NRXN3: variants seen among roughly 807,000 people sequenced by gnomAD.
NRXN3 encodes neurexin III.
A neutral mutation model predicts 137.6 loss-of-function variants in NRXN3; 32 were observed. The observed-to-expected ratio is 0.23, with a 90% CI of 0.18 to 0.31. The LOEUF (loss-of-function observed/expected upper bound fraction) is 0.31, where lower values mean the gene tolerates loss of function less well. Among genes scored for constraint, NRXN3 ranks in the 10% least tolerant of loss-of-function variants. The pLI is 1.00. For missense variants in NRXN3, 1,574 were observed against 2,062.5 expected (o/e 0.76, Z 4.59); for synonymous variants, 798 against 784.5 (o/e 1.02, Z -0.29).
At chr14:79,438,488 A>G (rs7140201) in intron 15 of NRXN3, among the ~76,000 whole-genome samples, 43,543 of 152,028 alleles carry the variant, frequency 0.29, 6,689 homozygotes, top group South Asian at 0.42. Flanking sequence ...TTATTAATGT[A>G]TGGATTTTCT....
chr14:78,867,199 G>T (rs2099089224), intron 10 of NRXN3, among the ~76,000 whole-genome samples: 1 of 152,120 alleles, frequency 6.6e-6, no homozygotes, highest in Non-Finnish European at 1.5e-5. Flanking sequence ...CTATCAGTAA[G>T]AAAACTGTAG....
intron 16 of NRXN3, among the ~76,000 whole-genome samples, chr14:79,637,489 C>T (rs1262222030): frequency 1.3e-5 from 2 of 151,906 alleles, no homozygotes; most frequent in African/African-American, 2.4e-5. Context: ...CTTACAGTCA[C>T]CCAGCAGTGT....
At chr14:78,633,267 A>AAAAAAAAAAAAAAAAG (rs1376443966) in intron 4 of NRXN3, among the ~76,000 whole-genome samples, 1 of 150,084 alleles carries the variant, frequency 6.7e-6, no homozygotes, top group African/African-American at 2.5e-5. Context: ...AAAAAAAAAA[A>AAAAAAAAAAAAAAAAG]AGAGACTGGT....
At chr14:78,397,092 G>A (rs957696724) in intron 4 of NRXN3, among the ~76,000 whole-genome samples, 2 of 152,168 alleles carry the variant, frequency 1.3e-5, no homozygotes, top group Admixed American at 1.3e-4. Context: ...TTCAACATAT[G>A]AATTTTAGGG....
intron 20 of NRXN3, among the ~76,000 whole-genome samples, chr14:79,827,191 G>A (rs1484575357): frequency 6.6e-6 from 1 of 152,168 alleles, no homozygotes; most frequent in African/African-American, 2.4e-5. Context: ...TGAAGGCTAT[G>A]AAGCAAAGGC....
At chr14:79,102,673 G>C (rs2051558733) in intron 15 of NRXN3, among the ~76,000 whole-genome samples, 1 of 152,164 alleles carries the variant, frequency 6.6e-6, no homozygotes, top group African/African-American at 2.4e-5. Flanking sequence ...TAAGGCAAAA[G>C]GAGTGGTGGT....
chr14:78,965,701 C>A (rs1187806236), intron 11 of NRXN3, among the ~76,000 whole-genome samples: 1 of 152,070 alleles, frequency 6.6e-6, no homozygotes. Flanking sequence ...GGCCTTTCTT[C>A]TTATAGTGTG....
intron 16 of NRXN3, among the ~76,000 whole-genome samples, chr14:79,532,972 A>G (rs2097182281): frequency 6.6e-6 from 1 of 152,194 alleles, no homozygotes; most frequent in Non-Finnish European, 1.5e-5. Context: ...CCCAAAGGTT[A>G]TGATATAAAG....
chr14:79,698,576 T>C (rs527475755), intron 19 of NRXN3, among the ~76,000 whole-genome samples: 1 of 152,168 alleles, frequency 6.6e-6, no homozygotes, highest in South Asian at 2.1e-4. Flanking sequence ...AAGTCCTTGT[T>C]TTTGTGGCAG....
intron 1 of NRXN3, among the ~76,000 whole-genome samples, chr14:78,180,770 C>T (rs1351764501): frequency 5.9e-5 from 9 of 152,154 alleles, no homozygotes; most frequent in Admixed American, 5.9e-4. Flanking sequence ...AGTGTGGACT[C>T]TATCATCCCT....
chr14:78,559,609 C>T (rs2096769230), intron 4 of NRXN3, among the ~76,000 whole-genome samples: 1 of 152,220 alleles, frequency 6.6e-6, no homozygotes, highest in African/African-American at 2.4e-5. Context: ...AGATTACCAC[C>T]AGCCATGCAC....
At chr14:79,813,543 A>G (rs1335535133) in intron 20 of NRXN3, among the ~76,000 whole-genome samples, 2 of 152,148 alleles carry the variant, frequency 1.3e-5, no homozygotes, top group Admixed American at 6.6e-5. Flanking sequence ...AGATATATAG[A>G]TATACAAATC....
intron 1 of NRXN3, among the ~76,000 whole-genome samples, chr14:78,232,373 C>G (rs959003318): frequency 6.6e-6 from 1 of 152,222 alleles, no homozygotes; most frequent in East Asian, 1.9e-4. Flanking sequence ...CTCCCAGCAG[C>G]CCCAGACATG....
chr14:79,085,731 A>T (rs1243128019), intron 15 of NRXN3, among the ~76,000 whole-genome samples: 1 of 152,054 alleles, frequency 6.6e-6, no homozygotes, highest in Non-Finnish European at 1.5e-5. Flanking sequence ...AAACGAGGAG[A>T]GAGAGGGAAA....
intron 15 of NRXN3, among the ~76,000 whole-genome samples, chr14:79,403,848 T>G (rs2095257864): frequency 6.6e-6 from 1 of 152,152 alleles, no homozygotes; most frequent in South Asian, 2.1e-4. Context: ...GAGGCAAGCT[T>G]GACACGATGG....
At chr14:78,721,153 T>C (rs1439386275) in intron 8 of NRXN3, among the ~76,000 whole-genome samples, 6 of 152,212 alleles carry the variant, frequency 3.9e-5, no homozygotes, top group Non-Finnish European at 8.8e-5. Context: ...ATTTTATAAT[T>C]AGTTCTGGAT....
intron 10 of NRXN3, among the ~76,000 whole-genome samples, chr14:78,935,902 T>C (rs1011936510): frequency 2.0e-5 from 3 of 152,226 alleles, no homozygotes; most frequent in African/African-American, 7.2e-5. Flanking sequence ...CCATCTCTTC[T>C]ATTTATACCT....
chr14:78,702,590 A>C (rs1429308309), intron 6 of NRXN3, among the ~76,000 whole-genome samples: 2 of 151,808 alleles, frequency 1.3e-5, no homozygotes, highest in African/African-American at 4.8e-5. Flanking sequence ...GATTACAGGC[A>C]TACCGCACCA....
chr14:79,741,306 CAG>C (rs1469177038), intron 19 of NRXN3, among the ~76,000 whole-genome samples: 1 of 152,022 alleles, frequency 6.6e-6, no homozygotes, highest in East Asian at 1.9e-4. Context: ...AGACCAAAAA[CAG>C]AGCACAAACA....
Sources: allele counts gnomAD v4.1 joint callset (sites outside exome capture counted in the v4.1 genomes callset), GRCh38; gene constraint gnomAD v4.1.1; transcripts MANE v1.5; gene names NCBI Gene and HGNC (gene_info 2026-07-23, HGNC 2026-07-21).